TEX9: variants seen among roughly 807,000 people sequenced by gnomAD.
TEX9 encodes the protein testis-expressed protein 9.
Under a neutral mutation model 59.6 loss-of-function variants are expected in TEX9, and 74 were observed. The observed-to-expected ratio is 1.24, with a 90% confidence interval of 1.03 to 1.51. The LOEUF is 1.51. Ranked by LOEUF, TEX9 falls within the 40% of genes most tolerant of loss-of-function variation. The pLI, the probability that TEX9 is intolerant of heterozygous loss-of-function variation, is 0.00. For missense variants in TEX9, 522 were observed against 447.8 expected, an observed-to-expected ratio of 1.17 and a Z score of -1.49; for synonymous variants, 186 against 152.2, an observed-to-expected ratio of 1.22 and a Z score of -1.64.
intron 1 of TEX9, among the ~76,000 whole-genome samples, chr15:56,341,502 C>T (rs1435729317): frequency 2.6e-5 from 4 of 152,152 alleles, no homozygotes; most frequent in South Asian, 2.1e-4. Context: ...TGCTTCTACC[C>T]CATACCTAAT....
chr15:56,251,716 T>C (rs1485294373), intron 1 of TEX9, among the ~76,000 whole-genome samples: 7 of 152,016 alleles, frequency 4.6e-5, no homozygotes, highest in Non-Finnish European at 7.4e-5. Context: ...TTAGTGTTGA[T>C]AGGAGCAGTA....
rs1432077586 is a variant in TEX9 at position 56,388,504 on chromosome 15, T to G, written c.296T>G (p.Leu99Arg). Residue 99 changes from leucine to arginine, a missense_variant, in exon 5 of 13, where the codon CTT becomes CGT. By Grantham distance (102) the Leu-to-Arg change is moderately radical (BLOSUM62 -2). Transcript: ENST00000352903. The stretch of plus-strand genomic sequence containing the variant: ...TTACCATCTGAAGGGATAGTTCATC[T>G]TCATTCAGAAACTAAGGTATGAAAT... 3.1e-6 allele frequency: 5 copies of G among 1,611,604 alleles called. No homozygotes were observed. Among genetic ancestry groups the G allele is most frequent in the South Asian group, 2.2e-5 (2 of 90,946 alleles).
At chr15:56,405,325 A>T (rs1488545826) in intron 9 of TEX9, among the ~76,000 whole-genome samples, 1 of 151,780 alleles carries the variant, frequency 6.6e-6, no homozygotes, top group Non-Finnish European at 1.5e-5. Flanking sequence ...AAAAAAAAAA[A>T]AAAGGAAACT....
intron 1 of TEX9, among the ~76,000 whole-genome samples, chr15:56,244,774 G>A (rs1212533642): frequency 1.3e-5 from 2 of 151,944 alleles, no homozygotes; most frequent in Non-Finnish European, 2.9e-5. Context: ...TCCTTCCTTT[G>A]GAGCCCGTTG....
intron 1 of TEX9, among the ~76,000 whole-genome samples, chr15:56,351,840 A>C (rs2046586478): frequency 6.6e-6 from 1 of 152,324 alleles, no homozygotes. Flanking sequence ...TGTTATTTCA[A>C]AGAAAGTATC....
At chr15:56,411,280 G>T (rs1412967736) in intron 9 of TEX9, among the ~76,000 whole-genome samples, 1 of 152,142 alleles carries the variant, frequency 6.6e-6, no homozygotes, top group Non-Finnish European at 1.5e-5. Context: ...TGAGTATACA[G>T]AAATTAAGAC....
intron 12 of TEX9, among the ~76,000 whole-genome samples, chr15:56,434,915 A>G (rs1330450769): frequency 1.3e-5 from 2 of 152,134 alleles, no homozygotes; most frequent in Non-Finnish European, 2.9e-5. Flanking sequence ...GACAATCAGT[A>G]CTTCTTTAGG....
chr15:56,268,018 TCTC>T (rs2044430206), intron 1 of TEX9, among the ~76,000 whole-genome samples: 1 of 152,184 alleles, frequency 6.6e-6, no homozygotes. Context: ...GGTTTGTAGT[TCTC>T]CTTGAAGAGG....
intron 10 of TEX9, among the ~76,000 whole-genome samples, chr15:56,427,021 C>T (rs1185999332): frequency 3.3e-5 from 5 of 151,984 alleles, no homozygotes; most frequent in South Asian, 2.1e-4. Context: ...GAGGGAAATA[C>T]GTATGCATGT....
chr15:56,454,986 T>C, the TEX9 span, among the ~76,000 whole-genome samples: 1 of 152,138 alleles, frequency 6.6e-6, no homozygotes, highest in Non-Finnish European at 1.5e-5. Context: ...CATATGCTTA[T>C]TGGCCAAGCT....
intron 12 of TEX9, chr15:56,444,716 A>G: frequency 1.4e-6 from 2 of 1,462,744 alleles, no homozygotes; most frequent in Middle Eastern, 3.5e-4. Flanking sequence ...TCAAATTTGA[A>G]CATAGTACGA....
In TEX9 at chr15:56,309,538, T is replaced by C. The variant is rs74018631; in HGVS notation, c.-106-63903T>C. ...AGATTTTTTTCTCTTGTGAAATCTT[T>C]GTCTGGTTTTGGTATGGTGGTAATG... On this transcript the variant is annotated intron_variant, in intron 1 of 5. Transcript: ENST00000560827. Among the ~76,000 whole-genome samples, 707 of 152,176 alleles carry C rather than the reference T, an allele frequency of 4.6e-3. 12 individuals are homozygous for C. Among genetic ancestry groups the C allele is most frequent in the African/African-American group, 0.017 (690 of 41,544 alleles).
chr15:56,334,505 A>G (rs1406642936), intron 1 of TEX9, among the ~76,000 whole-genome samples: 1 of 152,208 alleles, frequency 6.6e-6, no homozygotes, highest in African/African-American at 2.4e-5. Context: ...TACAAAAATC[A>G]AAATGATTAC....
intron 1 of TEX9, among the ~76,000 whole-genome samples, chr15:56,303,454 G>C (rs1474821897): frequency 6.6e-6 from 1 of 151,980 alleles, no homozygotes; most frequent in Admixed American, 6.5e-5. Context: ...AATGATCAAT[G>C]AAGAAATTAA....
chr15:56,339,674 G>A lies in TEX9; in HGVS notation c.-106-33767G>A, dbSNP rs180719499. Among the ~76,000 whole-genome samples the A allele has an allele frequency of 1.2e-4, 19 of 152,090 alleles. No homozygotes were observed. The East Asian group carries it at 2.3e-3, about 19-fold the overall frequency. On this transcript the variant is annotated intron_variant, in intron 1 of 5. Transcript: ENST00000560827. ...GCACAGATATAGACTGAATGCTTAC[G>A]TCCCCCCGCCAATTTATATGTTGAA...
intron 1 of TEX9, among the ~76,000 whole-genome samples, chr15:56,256,263 G>A (rs1489949712): frequency 6.6e-6 from 1 of 152,118 alleles, no homozygotes; most frequent in East Asian, 1.9e-4. Flanking sequence ...GCACAAAGCT[G>A]TACTAAATAA....
chr15:56,372,319 C>G (rs112812141), intron 2 of TEX9, among the ~76,000 whole-genome samples: 41 of 152,226 alleles, frequency 2.7e-4, no homozygotes, highest in Non-Finnish European at 3.8e-4. Context: ...AATCTCCCCC[C>G]CTTTTTTTTT....
At chr15:56,276,011 G>T (rs2044659129) in intron 1 of TEX9, among the ~76,000 whole-genome samples, 1 of 151,946 alleles carries the variant, frequency 6.6e-6, no homozygotes, top group Non-Finnish European at 1.5e-5. Flanking sequence ...TCAGTCTTAT[G>T]TCCTGTTGCT....
At chr15:56,416,618 T>C (rs960135561) in intron 10 of TEX9, among the ~76,000 whole-genome samples, 3 of 152,010 alleles carry the variant, frequency 2.0e-5, no homozygotes, top group Admixed American at 2.0e-4. Flanking sequence ...TGCAAATATT[T>C]TGTTGAGGAT....
Sources: gnomAD v4.1 joint callset for allele counts (sites outside exome capture counted in the v4.1 genomes callset) on GRCh38, gnomAD v4.1.1 for gene constraint, MANE v1.5 for transcripts, NCBI Gene and HGNC (gene_info 2026-07-23, HGNC 2026-07-21) for gene names.